RFX2: variants seen among roughly 807,000 people sequenced by gnomAD.
RFX2 encodes regulatory factor X2.
RFX2 carries 20 observed loss-of-function variants against 87.8 expected under a neutral mutation model. The ratio of observed to expected loss-of-function variants is 0.23; its 90% CI spans 0.16 to 0.33. The LOEUF (loss-of-function observed/expected upper bound fraction) is 0.33. Ranked by LOEUF, RFX2 falls within the 10% of genes least tolerant of loss-of-function variation. The pLI is 1.00. For synonymous variants in RFX2, 397 were observed against 431.3 expected, an observed-to-expected ratio of 0.92 and a Z score of 0.98; for missense variants, 767 against 1,012.3, an observed-to-expected ratio of 0.76 and a Z score of 3.29.
intron 1 of RFX2, among the ~76,000 whole-genome samples, chr19:6,100,718 T>G (rs547190177): frequency 1.3e-5 from 2 of 152,040 alleles, no homozygotes; most frequent in South Asian, 4.2e-4. Context: ...ATCCGGCAGT[T>G]CGTGAAATTA....
At position 6,097,996 on chromosome 19, in the gene RFX2, G is replaced by A. The variant is rs143566940; in HGVS notation, c.-9+12397C>T. 6.7e-3 allele frequency among the ~76,000 whole-genome samples: 1,024 copies of A among 152,144 alleles called. 9 individuals carry two copies. The highest frequency in any genetic ancestry group is 0.024 in the African/African-American group (979 of 41,472). ...CCATTTGCTTGATTCTGTGGCCAACGTAACACTCTCTGCTGTTCTTGAAAA... is the reference window on the plus strand; with the variant it reads ...CCATTTGCTTGATTCTGTGGCCAACATAACACTCTCTGCTGTTCTTGAAAA... On this transcript the variant is annotated intron_variant, in intron 1 of 17. Coordinates refer to ENST00000303657, the MANE Select transcript of RFX2 (RefSeq NM_000635.4).
Position 6,063,171 on chromosome 19 carries a change from G to C in RFX2, c.-8-15667C>G, listed in dbSNP as rs899742251. Among the ~76,000 whole-genome samples the C allele has an allele frequency of 6.6e-6, 1 of 152,054 alleles. No homozygotes were observed. Among genetic ancestry groups the C allele is most frequent in the African/African-American group, 2.4e-5 (1 of 41,376 alleles). On this transcript the variant is annotated intron_variant, in intron 1 of 17. Coordinates refer to ENST00000303657, the MANE Select transcript of RFX2 (RefSeq NM_000635.4). This position sits in a 1 kb window ranked among gnomAD's most constrained non-coding sequence, Gnocchi z 4.0. Reference sequence around the variant, plus strand: ...GGCGCCTGCTCTGTGGGGAAAGCCGGGCTTCCTCTGATTCCGGATGGAGTG... The same window carrying C: ...GGCGCCTGCTCTGTGGGGAAAGCCGCGCTTCCTCTGATTCCGGATGGAGTG...
At chr19:6,046,496 A>G (rs1209021117) in intron 2 of RFX2, among the ~76,000 whole-genome samples, 15 of 147,376 alleles carry the variant, frequency 1.0e-4, no homozygotes, top group Admixed American at 5.5e-4. Context: ...CAGGAGAATC[A>G]CTTGAACCTG....
chr19:6,046,146 G>A (rs752972028), intron 2 of RFX2, among the ~76,000 whole-genome samples: 9 of 152,186 alleles, frequency 5.9e-5, no homozygotes, highest in African/African-American at 2.4e-5. Context: ...TTGTATTTCT[G>A]TCTTCTTTAT....
At chr19:6,018,933 C>T (rs1040722842) in intron 6 of RFX2, among the ~76,000 whole-genome samples, 1 of 152,206 alleles carries the variant, frequency 6.6e-6, no homozygotes, top group African/African-American at 2.4e-5. Context: ...GTTCCCTGGC[C>T]GCCCCTGAAT....
rs1160605856 is a variant in RFX2 at position 6,024,918 on chromosome 19, C to T, written c.597+1245G>A. 6.7e-6 allele frequency among the ~76,000 whole-genome samples: 1 copy of T among 150,238 alleles called. No individual in the cohort carries two copies. Among genetic ancestry groups the T allele is most frequent in the Non-Finnish European group, 1.5e-5 (1 of 67,548 alleles). The stretch of plus-strand genomic sequence containing the variant: ...GAGGACGGGAGTCAGGACGGGATCA[C>T]GGTGAGGACGGGAGTCAGGACGGGA... On this transcript the variant is annotated intron_variant, in intron 6 of 17. Coordinates refer to ENST00000303657, the MANE Select transcript of RFX2 (RefSeq NM_000635.4). This position sits in a 1 kb window ranked among gnomAD's most constrained non-coding sequence, Gnocchi z 5.0.
At chr19:6,019,527 T>TGTGTGTGC (rs1005600146) in intron 6 of RFX2, among the ~76,000 whole-genome samples, 2 of 146,902 alleles carry the variant, frequency 1.4e-5, no homozygotes, top group African/African-American at 5.3e-5. Context: ...TGTGTGTGTG[T>TGTGTGTGC]GTGTGTGTGT....
chr19:6,046,189 G>A (rs967610566), intron 2 of RFX2, among the ~76,000 whole-genome samples: 2 of 152,198 alleles, frequency 1.3e-5, no homozygotes, highest in African/African-American at 2.4e-5. Context: ...AAATCCAGGA[G>A]CAGAGAAAGC....
intron 5 of RFX2, among the ~76,000 whole-genome samples, chr19:6,038,806 A>G (rs966390290): frequency 1.3e-5 from 2 of 152,234 alleles, no homozygotes; most frequent in Admixed American, 1.3e-4. Context: ...GCCAAAACCA[A>G]GAGCACCAGC....
intron 6 of RFX2, among the ~76,000 whole-genome samples, chr19:6,019,478 A>G (rs1478714971): frequency 6.8e-6 from 1 of 147,380 alleles, no homozygotes; most frequent in Admixed American, 6.8e-5. Flanking sequence ...AATACTATGA[A>G]CCACAACCTT....
chr19:6,086,243 A>G (rs2087854486), intron 1 of RFX2, among the ~76,000 whole-genome samples: 1 of 152,184 alleles, frequency 6.6e-6, no homozygotes, highest in South Asian at 2.1e-4. Context: ...TACGGCCATG[A>G]GTCGCTTCCT....
rs1442790876 is a variant in RFX2, at chr19:6,007,533, T to C, written c.1247+157A>G. ...GGCGGATGGCAATGTGAATTTCAAG[T>C]CAACTCTACCAAGTCTAAAAATTAC... On this transcript the variant is annotated intron_variant, in intron 11 of 17. Coordinates refer to ENST00000303657, the MANE Select transcript of RFX2 (RefSeq NM_000635.4). The surrounding 1 kb of genome is among the most constrained non-coding windows in gnomAD (Gnocchi z 8.2). 6.6e-6 allele frequency among the ~76,000 whole-genome samples: 1 copy of C among 152,140 alleles called. No homozygotes were observed. Among genetic ancestry groups the C allele is most frequent in the Non-Finnish European group, 1.5e-5 (1 of 68,024 alleles).
intron 5 of RFX2, among the ~76,000 whole-genome samples, chr19:6,033,615 C>CAA (rs34581899): frequency 0.23 from 13,833 of 59,874 alleles, 1,314 homozygotes; most frequent in Middle Eastern, 0.26. Context: ...CCCACCTTTG[C>CAA]AAAAAAAAAA....
chr19:6,002,898 G>T lies in RFX2; in HGVS notation c.1501-28C>A. The T allele has an allele frequency of 6.3e-7, 1 of 1,586,290 alleles. No individual in the cohort carries two copies. Among genetic ancestry groups the T allele is most frequent in the Non-Finnish European group, 8.5e-7 (1 of 1,170,712 alleles). On this transcript the variant is annotated intron_variant, in intron 13 of 17. Transcript: ENST00000303657. The surrounding 1 kb of genome is among the most constrained non-coding windows in gnomAD (Gnocchi z 6.7). ...GTAAGCCAGGGCTCGTGGTGAGCAGGGGTTCGCAGGGAGAGCCTGTTCCGC... is the reference window on the plus strand; with the variant it reads ...GTAAGCCAGGGCTCGTGGTGAGCAGTGGTTCGCAGGGAGAGCCTGTTCCGC...
chr19:6,081,055 A>AT (rs2087775626), intron 1 of RFX2, among the ~76,000 whole-genome samples: 1 of 146,090 alleles, frequency 6.8e-6, no homozygotes, highest in African/African-American at 2.6e-5. Context: ...AAAAAAAAAA[A>AT]TCCAATTGCT....
rs758882767 is a variant in RFX2 at position 6,004,350 on chromosome 19, C to T, written c.1403-52G>A. The T allele has an allele frequency of 1.4e-6, 2 of 1,456,230 alleles. No homozygotes were observed. The highest frequency in any genetic ancestry group is 1.9e-6 in the Non-Finnish European group (2 of 1,036,564). 90.2% of individuals were successfully genotyped at this position (1,456,230 alleles called of 1,614,324 possible). ...CAGGGAGAAAGGCAGTGACTGGACCCTGGAAATCAGCATTCAGTGTAAGAG... is the reference window on the plus strand; with the variant it reads ...CAGGGAGAAAGGCAGTGACTGGACCTTGGAAATCAGCATTCAGTGTAAGAG... On this transcript the variant is annotated intron_variant, in intron 12 of 17. Transcript: ENST00000303657. The surrounding 1 kb of genome is among the most constrained non-coding windows in gnomAD (Gnocchi z 4.8).
rs773059117 is a variant in RFX2 at position 6,042,016 on chromosome 19, G to A, written c.260+28C>T. The stretch of plus-strand genomic sequence containing the variant: ...AGGCTGGAGTCAGGGAGAGGGTTCC[G>A]GGTGTGGCCCGCGGGAGAAGCACGC... On this transcript the variant is annotated intron_variant, in intron 4 of 17. Coordinates refer to ENST00000303657, the MANE Select transcript of RFX2 (RefSeq NM_000635.4). 1.4e-5 allele frequency: 22 copies of A among 1,598,638 alleles called. 1 individual carries two copies. In the Admixed American group the frequency reaches 1.8e-4, roughly 13 times the overall value.
At position 6,002,036 on chromosome 19, in the gene RFX2, C is replaced by A. The variant is rs780069568; in HGVS notation, c.1651-13G>T. ...ACGAGGCCTGCTCCTGTGGGCAGGG[C>A]AGAGGCCAGTGTCAGCAATGTGGAC... On this transcript the variant is annotated splice_polypyrimidine_tract_variant and intron_variant, in intron 14 of 17. Transcript: ENST00000303657. The surrounding 1 kb of genome is among the most constrained non-coding windows in gnomAD (Gnocchi z 6.7). The A allele has an allele frequency of 1.8e-5, 29 of 1,590,504 alleles. No homozygotes were observed. In the East Asian group the frequency reaches 6.3e-4, roughly 35 times the overall value.
intron 1 of RFX2, among the ~76,000 whole-genome samples, chr19:6,057,440 C>G (rs993625548): frequency 6.6e-6 from 1 of 152,226 alleles, no homozygotes; most frequent in African/African-American, 2.4e-5. Flanking sequence ...CTCACTGCGA[C>G]CTTAAGCAAT....
Sources: gnomAD v4.1 joint callset for allele counts (sites outside exome capture counted in the v4.1 genomes callset) on GRCh38, gnomAD v4.1.1 for gene constraint, Gnocchi (gnomAD v3.1) non-coding constraint, MANE v1.5 for transcripts, NCBI Gene and HGNC (gene_info 2026-07-23, HGNC 2026-07-21) for gene names.